Variants in PRKAG2 observed in about 807,000 individuals in gnomAD.
The protein encoded by PRKAG2 is 5'-AMP-activated protein kinase subunit gamma-2.
In PRKAG2, 26 loss-of-function variants were observed where a neutral mutation model predicts 69.6. The observed-to-expected ratio is 0.37, with a 90% CI of 0.27 to 0.52. PRKAG2 has a LOEUF of 0.52. Among genes scored for constraint, PRKAG2 ranks in the 20% least tolerant of loss-of-function variants. The pLI, the probability that PRKAG2 is intolerant of heterozygous loss-of-function variation, is 0.90. For missense variants in PRKAG2, 557 were observed against 740.0 expected (o/e 0.75, Z 2.87); for synonymous variants, 293 against 285.0 (o/e 1.03, Z -0.28).
chr7:151,595,230 C>T (rs1436293051), intron 6 of PRKAG2, 115 bp downstream of exon 6: 3 of 747,614 alleles, frequency 4.0e-6, no homozygotes, highest in Middle Eastern at 3.3e-4. Context: ...GCACAGTGCC[C>T]GATAGTGCAA....
intron 3 of PRKAG2, among the ~76,000 whole-genome samples, chr7:151,761,877 C>T (rs2075432749): frequency 1.3e-5 from 2 of 152,310 alleles, no homozygotes; most frequent in African/African-American, 4.8e-5. Context: ...GTCCCCAGAC[C>T]ACAGTCAAAG....
At chr7:151,870,197 GCAGA>G (rs879464644) in intron 1 of PRKAG2, among the ~76,000 whole-genome samples, 169 of 143,872 alleles carry the variant, frequency 1.2e-3, no homozygotes, top group Non-Finnish European at 1.9e-3. Flanking sequence ...AGGCAGGCAG[GCAGA>G]CAGAGGAATA....
intron 4 of PRKAG2, among the ~76,000 whole-genome samples, chr7:151,640,787 G>A (rs1337046309): frequency 6.6e-6 from 1 of 151,902 alleles, no homozygotes; most frequent in African/African-American, 2.4e-5. Flanking sequence ...TTACTTTTCT[G>A]TTTCCTCTGA....
chr7:151,640,935 A>G (rs1265889024), intron 4 of PRKAG2, among the ~76,000 whole-genome samples: 1 of 152,244 alleles, frequency 6.6e-6, no homozygotes, highest in Non-Finnish European at 1.5e-5. Context: ...TGGTAGGGAA[A>G]CAGTTGATTT....
chr7:151,830,127 T>A (rs983346890), intron 1 of PRKAG2, among the ~76,000 whole-genome samples: 6 of 151,526 alleles, frequency 4.0e-5, no homozygotes, highest in African/African-American at 1.5e-4. Context: ...GGTTTTTTTT[T>A]TTTTTTTTTA....
Position 151,786,556 on chromosome 7 carries a change from G to C in PRKAG2, c.115-15C>G. 1 of 1,608,880 alleles carries C rather than the reference G, an allele frequency of 6.2e-7. No homozygotes were observed. The highest frequency in any genetic ancestry group is 8.5e-7 in the Non-Finnish European group (1 of 1,177,442). On this transcript the variant is annotated splice_polypyrimidine_tract_variant and intron_variant, in intron 1 of 15. Coordinates refer to ENST00000287878, the MANE Select transcript of PRKAG2 (RefSeq NM_016203.4). ...GAGCTCAGGTCCTAGGGTGGACAGA[G>C]AGCACGTGGTCAGTGACAGTGGCCC...
chr7:151,593,252 A>G (rs988654785), intron 6 of PRKAG2, among the ~76,000 whole-genome samples: 1 of 152,202 alleles, frequency 6.6e-6, no homozygotes, highest in African/African-American at 2.4e-5. Flanking sequence ...CAGTGGCACA[A>G]TCTCGGCTCA....
chr7:151,585,902 C>T (rs550726128), intron 6 of PRKAG2, among the ~76,000 whole-genome samples: 20 of 152,304 alleles, frequency 1.3e-4, no homozygotes, highest in South Asian at 4.1e-4. Flanking sequence ...CAGCGCAGGA[C>T]GCGTTCCTGA....
chr7:151,742,727 C>A (rs1282621581), intron 3 of PRKAG2, among the ~76,000 whole-genome samples: 1 of 152,174 alleles, frequency 6.6e-6, no homozygotes, highest in Non-Finnish European at 1.5e-5. Context: ...AGCTGACCTG[C>A]CTTGTGGGTA....
At position 151,781,412 on chromosome 7, in the gene PRKAG2, G is replaced by C. The variant is rs182750960; in HGVS notation, c.206C>G (p.Pro69Arg). 3 of 1,608,054 alleles carry C rather than the reference G, an allele frequency of 1.9e-6. No homozygotes were observed. In the East Asian group the frequency reaches 6.7e-5, roughly 36 times the overall value. The change falls in exon 3 of 16, where the codon CCG becomes CGG. Residue 69 changes from proline to arginine, a missense_variant. By Grantham distance (103) the Pro-to-Arg change is moderately radical. Around this residue, in one of 2 missense-constraint regions of PRKAG2, gnomAD observed 352 missense variants for 356.7 expected, o/e 0.99. Transcript: ENST00000287878. This position sits in a 1 kb window ranked among gnomAD's most constrained non-coding sequence, Gnocchi z 6.1. ...SSRKVDSPFG[P>R]GSPSKGFFSR... ...GAAGAACCCTTTGGAGGGGCTGCCC[G>C]GGCCGAAGGGGCTGTCCACCTGCAG... is the stretch of plus-strand genomic sequence containing the variant.
At chr7:151,735,012 G>A (rs760841660) in intron 3 of PRKAG2, among the ~76,000 whole-genome samples, 7 of 151,702 alleles carry the variant, frequency 4.6e-5, no homozygotes, top group Admixed American at 3.3e-4. Flanking sequence ...ACGCCACCAC[G>A]CCCAGCTAAT....
intron 1 of PRKAG2, among the ~76,000 whole-genome samples, chr7:151,802,190 C>T (rs1331576228): frequency 1.3e-5 from 2 of 152,180 alleles, no homozygotes; most frequent in Non-Finnish European, 2.9e-5. Context: ...GAGGACCGTC[C>T]CCTTTGTGTA....
chr7:151,640,223 T>C (rs1217672486), intron 4 of PRKAG2, among the ~76,000 whole-genome samples: 1 of 152,146 alleles, frequency 6.6e-6, no homozygotes, highest in Non-Finnish European at 1.5e-5. Flanking sequence ...GACACAAGAA[T>C]TGTTTGAACC....
chr7:151,841,702 G>A (rs1188979027), intron 1 of PRKAG2, among the ~76,000 whole-genome samples: 1 of 52,286 alleles, frequency 1.9e-5, no homozygotes, highest in Non-Finnish European at 4.3e-5. Flanking sequence ...AGTGATGGTA[G>A]GTGGGGATGG....
At chr7:151,743,122 T>A (rs2074018672) in intron 3 of PRKAG2, among the ~76,000 whole-genome samples, 1 of 152,168 alleles carries the variant, frequency 6.6e-6, no homozygotes, top group African/African-American at 2.4e-5. Flanking sequence ...TCAGAGTTCC[T>A]TCTAACAGAA....
intron 3 of PRKAG2, among the ~76,000 whole-genome samples, chr7:151,731,535 T>TGTGTGTGTGTGTGTGTGTGC (rs10689682): frequency 1.3e-5 from 2 of 151,698 alleles, no homozygotes; most frequent in African/African-American, 4.8e-5. Context: ...TGTGTGTGTG[T>TGTGTGTGTGTGTGTGTGTGC]GCGCACAGGT....
At chr7:151,866,761 C>T (rs1238511357) in intron 1 of PRKAG2, among the ~76,000 whole-genome samples, 1 of 152,160 alleles carries the variant, frequency 6.6e-6, no homozygotes, top group Non-Finnish European at 1.5e-5. Context: ...AAATGGTTTC[C>T]ACATTAGCCC....
intron 1 of PRKAG2, among the ~76,000 whole-genome samples, chr7:151,873,759 C>T (rs1186206822): frequency 6.6e-6 from 1 of 152,160 alleles, no homozygotes; most frequent in African/African-American, 2.4e-5. Context: ...ACGGCCTGGC[C>T]TCACAGTCCT....
intron 3 of PRKAG2, among the ~76,000 whole-genome samples, chr7:151,754,536 T>C (rs933137855): frequency 4.5e-4 from 68 of 152,304 alleles, no homozygotes; most frequent in African/African-American, 1.6e-3. Context: ...GGGGCAGACT[T>C]GGGCAAGCCA....
Sources: gnomAD v4.1 joint callset for allele counts (sites outside exome capture counted in the v4.1 genomes callset) on GRCh38, gnomAD v4.1.1 for gene constraint, gnomAD v4.1.1 regional missense constraint, Gnocchi (gnomAD v3.1) non-coding constraint, MANE v1.5 for transcripts, NCBI Gene and HGNC (gene_info 2026-07-23, HGNC 2026-07-21) for gene names.